Variants in ULK4 observed in about 807,000 individuals in gnomAD.
ULK4 encodes inactive serine/threonine-protein kinase ULK4.
ULK4 carries 133 observed loss-of-function variants against 160.6 expected under a neutral mutation model. That is an observed-to-expected ratio of 0.83 (90% CI 0.72 to 0.96). ULK4 has a LOEUF of 0.96. Ranked by LOEUF, ULK4 falls within the 40% of genes least tolerant of loss-of-function variation. The pLI is 0.00. For missense variants in ULK4, 1,580 were observed against 1,499.5 expected (o/e 1.05, Z -0.89); for synonymous variants, 534 against 539.8 (o/e 0.99, Z 0.15).
chr3:41,694,908 G>C (rs2036436287), intron 27 of ULK4, among the ~76,000 whole-genome samples: 1 of 152,144 alleles, frequency 6.6e-6, no homozygotes, highest in Non-Finnish European at 1.5e-5. Flanking sequence ...GTATGTATGT[G>C]TGTTCATACG....
chr3:41,512,735 G>A (rs775003857), intron 32 of ULK4, among the ~76,000 whole-genome samples: 17 of 151,826 alleles, frequency 1.1e-4, no homozygotes, highest in Non-Finnish European at 2.2e-4. Flanking sequence ...ATTCCTCATC[G>A]AAATACCACA....
chr3:41,850,864 T>C (rs977385802), intron 17 of ULK4, among the ~76,000 whole-genome samples: 1 of 152,228 alleles, frequency 6.6e-6, no homozygotes, highest in African/African-American at 2.4e-5. Context: ...TTTGGTGTCC[T>C]AGACATGAAG....
intron 35 of ULK4, among the ~76,000 whole-genome samples, chr3:41,289,612 A>C (rs1349315829): frequency 6.6e-6 from 1 of 152,126 alleles, no homozygotes; most frequent in African/African-American, 2.4e-5. Context: ...ATCCCACAGA[A>C]CCCTGGGTTG....
intron 35 of ULK4, among the ~76,000 whole-genome samples, chr3:41,305,912 A>G: frequency 7.9e-6 from 1 of 126,198 alleles, no homozygotes; most frequent in East Asian, 2.5e-4. Flanking sequence ...CCCGGCTGCG[A>G]CCCCGTCTGG....
chr3:41,278,435 G>A (rs190058645), intron 35 of ULK4, among the ~76,000 whole-genome samples: 1 of 152,344 alleles, frequency 6.6e-6, no homozygotes, highest in East Asian at 1.9e-4. Context: ...GCTCTGAAGA[G>A]AGCAGTGGTT....
chr3:41,660,644 C>T, intron 30 of ULK4, among the ~76,000 whole-genome samples: 1 of 152,186 alleles, frequency 6.6e-6, no homozygotes, highest in East Asian at 1.9e-4. Context: ...TAGGACCTCC[C>T]TTTGAAGTAA....
At chr3:41,595,368 G>T (rs1426710148) in intron 31 of ULK4, among the ~76,000 whole-genome samples, 2 of 152,182 alleles carry the variant, frequency 1.3e-5, no homozygotes, top group Non-Finnish European at 2.9e-5. Context: ...AGGTAAGATA[G>T]CTGGCTGGCC....
chr3:41,262,572 AAC>A (rs1357071596), intron 35 of ULK4, among the ~76,000 whole-genome samples: 1 of 152,104 alleles, frequency 6.6e-6, no homozygotes, highest in Non-Finnish European at 1.5e-5. Flanking sequence ...CTCTTGCCCA[AAC>A]TCCTCTCTGT....
At chr3:41,298,183 CAT>C (rs1284947198) in intron 35 of ULK4, among the ~76,000 whole-genome samples, 1 of 152,216 alleles carries the variant, frequency 6.6e-6, no homozygotes, top group East Asian at 1.9e-4. Flanking sequence ...GTAAGTCTAA[CAT>C]ATAAACTCAA....
chr3:41,610,159 G>A (rs1045636437), intron 31 of ULK4, among the ~76,000 whole-genome samples: 5 of 151,588 alleles, frequency 3.3e-5, no homozygotes, highest in African/African-American at 1.2e-4. Context: ...GGGATTACAG[G>A]CACACACCAC....
intron 17 of ULK4, among the ~76,000 whole-genome samples, chr3:41,847,168 T>C (rs2042089392): frequency 6.6e-6 from 1 of 152,190 alleles, no homozygotes; most frequent in Non-Finnish European, 1.5e-5. Flanking sequence ...ATCTGATAGA[T>C]ATGAAAAGGT....
At chr3:41,633,787 A>G (rs1575504913) in intron 30 of ULK4, among the ~76,000 whole-genome samples, 1 of 152,052 alleles carries the variant, frequency 6.6e-6, no homozygotes, top group Non-Finnish European at 1.5e-5. Flanking sequence ...GAGGGGAGAG[A>G]AGAGATCTAA....
At position 41,681,660 on chromosome 3, in the gene ULK4, G is replaced by GAA; in HGVS notation, c.2834-10_2834-9dup. The GAA allele has an allele frequency of 6.6e-7, 1 of 1,524,814 alleles. No homozygotes were observed. Among genetic ancestry groups the GAA allele is most frequent in the East Asian group, 2.4e-5 (1 of 42,244 alleles). 94.5% of individuals were successfully genotyped at this position (1,524,814 alleles called of 1,614,324 possible). ...TAAAGAGTCTCCACTCCACTTGAAAGAAAAAAAAAATGCCAAGAATGTGAC... is the reference window on the plus strand; with the variant it reads ...TAAAGAGTCTCCACTCCACTTGAAAGAAAAAAAAAAAATGCCAAGAATGTGAC... On this transcript the variant is annotated splice_polypyrimidine_tract_variant and intron_variant, in intron 28 of 36. Coordinates refer to ENST00000301831, the MANE Select transcript of ULK4 (RefSeq NM_017886.4).
intron 29 of ULK4, among the ~76,000 whole-genome samples, chr3:41,666,225 A>G (rs949199183): frequency 1.2e-4 from 18 of 152,312 alleles, no homozygotes; most frequent in African/African-American, 3.6e-4. Flanking sequence ...GCTCCTCCAG[A>G]GGTCAAGCTG....
At chr3:41,702,860 GT>G (rs568730846) in intron 27 of ULK4, among the ~76,000 whole-genome samples, 2,078 of 140,052 alleles carry the variant, frequency 0.015, 54 homozygotes, top group African/African-American at 0.051. Context: ...TTTTGGTTTT[GT>G]TTTTTTTTTT....
chr3:41,423,331 A>C (rs1212982643), intron 34 of ULK4, among the ~76,000 whole-genome samples: 1 of 152,148 alleles, frequency 6.6e-6, no homozygotes, highest in African/African-American at 2.4e-5. Context: ...CAAATGTGTG[A>C]TATAAATCTG....
intron 32 of ULK4, among the ~76,000 whole-genome samples, chr3:41,469,375 G>C (rs1034905441): frequency 6.6e-6 from 1 of 151,912 alleles, no homozygotes; most frequent in African/African-American, 2.4e-5. Flanking sequence ...TCTGGCCAAA[G>C]AATATACTCC....
chr3:41,634,139 T>C (rs1309108383), intron 30 of ULK4, among the ~76,000 whole-genome samples: 1 of 152,208 alleles, frequency 6.6e-6, no homozygotes, highest in African/African-American at 2.4e-5. Context: ...GGGATCCTTC[T>C]TTCACCTGAT....
At chr3:41,868,349 T>C (rs1450012379) in intron 17 of ULK4, among the ~76,000 whole-genome samples, 1 of 152,258 alleles carries the variant, frequency 6.6e-6, no homozygotes, top group African/African-American at 2.4e-5. Context: ...TTTTTATCTC[T>C]AGTAATACTC....
Sources: gnomAD v4.1 joint callset for allele counts (sites outside exome capture counted in the v4.1 genomes callset) on GRCh38, gnomAD v4.1.1 for gene constraint, MANE v1.5 for transcripts, NCBI Gene and HGNC (gene_info 2026-07-23, HGNC 2026-07-21) for gene names.